Variants in SBF2 observed in about 807,000 individuals in gnomAD.
SBF2 encodes the protein SET binding factor 2.
In SBF2, 112 loss-of-function variants were observed where a neutral mutation model predicts 225.2. The ratio of observed to expected loss-of-function variants is 0.50; its 90% CI spans 0.43 to 0.58. The LOEUF (loss-of-function observed/expected upper bound fraction) is 0.58. Among genes scored for constraint, SBF2 ranks in the 20% least tolerant of loss-of-function variants. The probability of loss-of-function intolerance (pLI) is 0.00; values close to 1 mark genes in which losing one functional copy is unlikely to be tolerated. For missense variants in SBF2, 1,996 were observed against 2,206.2 expected (o/e 0.90, Z 1.91); for synonymous variants, 763 against 773.3 (o/e 0.99, Z 0.22).
At chr11:9,956,873 T>C (rs746378061) in intron 16 of SBF2, 5 of 152,206 alleles carry the variant, frequency 3.3e-5, no homozygotes, top group African/African-American at 9.7e-5. Context: ...GACATTGGGA[T>C]ACAAAATTTC....
chr11:9,858,487 A>T, intron 17 of SBF2, 91 bp from the exon 18 acceptor site: 1 of 1,287,654 alleles, frequency 7.8e-7, no homozygotes, highest in Non-Finnish European at 1.1e-6. Flanking sequence ...CATAGATGAG[A>T]TCAAAGGATT....
At chr11:10,247,526 CAAA>C (rs36111945) in intron 1 of SBF2, among the ~76,000 whole-genome samples, 5 of 112,180 alleles carry the variant, frequency 4.5e-5, no homozygotes, top group Admixed American at 1.7e-4. Flanking sequence ...ACTAAAAATA[CAAA>C]AAAAAAAAAA....
intron 1 of SBF2, among the ~76,000 whole-genome samples, chr11:10,282,737 T>C (rs934020068): frequency 2.4e-4 from 37 of 152,216 alleles, no homozygotes; most frequent in African/African-American, 8.9e-4. Context: ...TCTTTCTCCC[T>C]TCAGTTCATT....
At position 9,845,526 on chromosome 11, in the gene SBF2, C is replaced by A. The variant is rs555414346; in HGVS notation, c.3110+39G>T. 4.4e-6 allele frequency: 7 copies of A among 1,576,496 alleles called. No individual in the cohort carries two copies. In the South Asian group the frequency reaches 7.8e-5, roughly 17 times the overall value. Reference sequence around the variant, plus strand: ...AGGTTACTCCTTTTGCAATCAATTACGGGAGGGCTGAAATTAACAGACTTG... The same window carrying A: ...AGGTTACTCCTTTTGCAATCAATTAAGGGAGGGCTGAAATTAACAGACTTG... On this transcript the variant is annotated intron_variant, in intron 24 of 39. Coordinates refer to ENST00000256190, the MANE Select transcript of SBF2 (RefSeq NM_030962.4).
chr11:9,940,818 G>A (rs184545459), intron 16 of SBF2, among the ~76,000 whole-genome samples: 140 of 151,748 alleles, frequency 9.2e-4, no homozygotes, highest in Admixed American at 2.7e-3. Context: ...TTAGATGAAT[G>A]GAAATAATAA....
At chr11:10,136,862 C>A (rs962053163) in intron 2 of SBF2, among the ~76,000 whole-genome samples, 1 of 152,178 alleles carries the variant, frequency 6.6e-6, no homozygotes, top group Non-Finnish European at 1.5e-5. Context: ...TGATTCTTCC[C>A]ACTTTTTTCT....
chr11:9,999,384 A>G (rs1947854205), intron 8 of SBF2, among the ~76,000 whole-genome samples: 1 of 151,910 alleles, frequency 6.6e-6, no homozygotes, highest in South Asian at 2.1e-4. Context: ...ATAGTGGTGC[A>G]ATCTTGACTC....
chr11:9,813,139 G>A (rs920669747), intron 29 of SBF2, among the ~76,000 whole-genome samples: 6 of 152,164 alleles, frequency 3.9e-5, no homozygotes, highest in African/African-American at 1.4e-4. Context: ...GATGTATATG[G>A]TAAGGGATAG....
chr11:9,994,012 G>C lies in SBF2; in HGVS notation c.976-14C>G. ...TGGGTGTAAAATCTAAAGCAAAAAAGTTTTGTTATGTAAAATATCATAATA... is the reference window on the plus strand; with the variant it reads ...TGGGTGTAAAATCTAAAGCAAAAAACTTTTGTTATGTAAAATATCATAATA... On this transcript the variant is annotated splice_polypyrimidine_tract_variant and intron_variant, in intron 9 of 39. Coordinates refer to ENST00000256190, the MANE Select transcript of SBF2 (RefSeq NM_030962.4). The C allele has an allele frequency of 8.4e-7, 1 of 1,184,416 alleles. No homozygotes were observed. Among genetic ancestry groups the C allele is most frequent in the Non-Finnish European group, 1.3e-6 (1 of 788,284 alleles). The allele number at this position is 1,184,416 out of a possible 1,614,324, so 73.4% of individuals were successfully genotyped here.
At chr11:10,006,750 A>G (rs1313891600) in intron 6 of SBF2, among the ~76,000 whole-genome samples, 1 of 152,130 alleles carries the variant, frequency 6.6e-6, no homozygotes, top group African/African-American at 2.4e-5. Context: ...CATTTCTCTA[A>G]TCACTTCCAT....
At chr11:10,299,522 A>C (rs1215044554) in intron 1 of SBF2, among the ~76,000 whole-genome samples, 3 of 152,188 alleles carry the variant, frequency 2.0e-5, no homozygotes, top group Non-Finnish European at 4.4e-5. Context: ...AGGACTGGCT[A>C]CATAATATGT....
intron 16 of SBF2, among the ~76,000 whole-genome samples, chr11:9,943,757 A>G (rs1456334424): frequency 2.6e-5 from 4 of 152,194 alleles, no homozygotes; most frequent in South Asian, 2.1e-4. Context: ...ATGTGAGGCA[A>G]TAGAAACTCT....
At chr11:10,238,401 C>A (rs938644832) in intron 1 of SBF2, among the ~76,000 whole-genome samples, 1 of 151,954 alleles carries the variant, frequency 6.6e-6, no homozygotes, top group African/African-American at 2.4e-5. Flanking sequence ...CAGAGTAAGG[C>A]CCTGTCTCAA....
intron 1 of SBF2, among the ~76,000 whole-genome samples, chr11:10,217,022 T>A (rs763127375): frequency 3.9e-5 from 6 of 152,228 alleles, no homozygotes; most frequent in Non-Finnish European, 7.3e-5. Context: ...AGTATAAGTA[T>A]ACCACTTTCC....
At chr11:10,030,855 A>G (rs1949225118) in intron 4 of SBF2, among the ~76,000 whole-genome samples, 193 bp downstream of exon 4, 2 of 152,202 alleles carry the variant, frequency 1.3e-5, no homozygotes, top group African/African-American at 2.4e-5. Context: ...AAGTTTTAGT[A>G]GTCACATTAA....
chr11:9,805,190 G>A (rs577776764), intron 32 of SBF2, among the ~76,000 whole-genome samples: 2 of 146,358 alleles, frequency 1.4e-5, no homozygotes, highest in African/African-American at 2.5e-5. Flanking sequence ...AGGTTGTAGT[G>A]AGCCGAGATC....
intron 1 of SBF2, among the ~76,000 whole-genome samples, chr11:10,284,021 T>C (rs1963583983): frequency 6.6e-6 from 1 of 152,224 alleles, no homozygotes; most frequent in Non-Finnish European, 1.5e-5. Context: ...ATAACTTATG[T>C]CATTAATAGC....
chr11:9,898,568 G>A (rs1020960530), intron 16 of SBF2, among the ~76,000 whole-genome samples: 1 of 152,100 alleles, frequency 6.6e-6, no homozygotes, highest in Non-Finnish European at 1.5e-5. Flanking sequence ...CTACTCAGGA[G>A]GCTGAGGCAG....
At chr11:9,800,173 G>A (rs1195684623) in intron 32 of SBF2, among the ~76,000 whole-genome samples, 2 of 152,030 alleles carry the variant, frequency 1.3e-5, no homozygotes, top group Admixed American at 1.3e-4. Flanking sequence ...GGGAGGCAGG[G>A]TTGCAGTGAG....
Sources: gnomAD v4.1 joint callset for allele counts (sites outside exome capture counted in the v4.1 genomes callset) on GRCh38, gnomAD v4.1.1 for gene constraint, MANE v1.5 for transcripts, NCBI Gene and HGNC (gene_info 2026-07-23, HGNC 2026-07-21) for gene names.